SMC1B: variants seen among roughly 807,000 people sequenced by gnomAD.
SMC1B encodes structural maintenance of chromosomes protein 1B.
SMC1B carries 60 observed loss-of-function variants against 157.9 expected under a neutral mutation model. The ratio of observed to expected loss-of-function variants is 0.38; its 90% confidence interval spans 0.31 to 0.47. The LOEUF is 0.47. SMC1B is among the 20% of genes least tolerant of loss of function. The pLI, the probability that SMC1B is intolerant of heterozygous loss-of-function variation, is 0.99. For missense variants in SMC1B, 1,165 were observed against 1,426.2 expected (o/e 0.82, Z 2.95); for synonymous variants, 445 against 483.0 (o/e 0.92, Z 1.03).
intron 12 of SMC1B, among the ~76,000 whole-genome samples, chr22:45,376,107 C>T (rs1396376117): frequency 1.3e-5 from 2 of 152,130 alleles, no homozygotes; most frequent in African/African-American, 4.8e-5. Context: ...AGAGCTTTAC[C>T]ATTTCTAAGT....
intron 18 of SMC1B, among the ~76,000 whole-genome samples, chr22:45,359,077 AAAAC>A (rs747775033): frequency 4.6e-5 from 7 of 152,324 alleles, no homozygotes; most frequent in Middle Eastern, 6.8e-3. Context: ...AACAAAAACA[AAAAC>A]AAAAAAACCC....
intron 12 of SMC1B, among the ~76,000 whole-genome samples, chr22:45,377,749 T>C (rs1302447516): frequency 1.3e-5 from 2 of 152,112 alleles, no homozygotes; most frequent in South Asian, 2.1e-4. Context: ...TTGTCCAGGC[T>C]GGTCTCGAAC....
chr22:45,409,564 C>CTAAA (rs71770434), intron 1 of SMC1B, among the ~76,000 whole-genome samples: 4,362 of 140,796 alleles, frequency 0.031, 83 homozygotes, highest in Non-Finnish European at 0.044. Context: ...GACTCCAACT[C>CTAAA]TAAATAAATA....
intron 19 of SMC1B, among the ~76,000 whole-genome samples, chr22:45,355,994 C>T (rs978665177): frequency 4.6e-5 from 7 of 152,078 alleles, no homozygotes; most frequent in Admixed American, 1.3e-4. Context: ...CGCTTGAACC[C>T]GAGAGGTGGA....
At chr22:45,399,029 T>C in intron 6 of SMC1B, 66 bp downstream of exon 6, 7 of 1,487,446 alleles carry the variant, frequency 4.7e-6, no homozygotes, top group Non-Finnish European at 6.3e-6. Context: ...CTTTTAAATT[T>C]TTTTCTAATT....
chr22:45,353,914 A>C lies in SMC1B; in HGVS notation c.3273+64T>G, dbSNP rs1265560793. ...CCACCAAAAAAAAAAAAAAAAAAAA[A>C]AAAAAACAACCACCACCGGTAACAC... is the stretch of plus-strand genomic sequence containing the variant. On this transcript the variant is annotated intron_variant, in intron 21 of 24. Transcript: ENST00000357450. 4 of 786,360 alleles carry C rather than the reference A, an allele frequency of 5.1e-6. No individual in the cohort carries two copies. In the South Asian group the frequency reaches 6.1e-5, roughly 12 times the overall value. The allele number at this position is 786,360 out of a possible 1,614,324, so 48.7% of individuals were successfully genotyped here.
At chr22:45,389,624 A>G in intron 10 of SMC1B, 88 bp downstream of exon 10, 1 of 1,195,226 alleles carries the variant, frequency 8.4e-7, no homozygotes, top group East Asian at 2.4e-5. Context: ...ATTTTTCTCT[A>G]TCACTATCAT....
intron 12 of SMC1B, among the ~76,000 whole-genome samples, chr22:45,377,137 T>C (rs2086890862): frequency 1.3e-5 from 2 of 152,242 alleles, no homozygotes; most frequent in Non-Finnish European, 2.9e-5. Flanking sequence ...TTCCAGATTA[T>C]CAATTTTTAA....
intron 23 of SMC1B, among the ~76,000 whole-genome samples, chr22:45,348,728 T>TTG (rs1555923501): frequency 2.5e-4 from 37 of 148,184 alleles, no homozygotes; most frequent in Middle Eastern, 3.4e-3. Flanking sequence ...GTTTTTTTTG[T>TTG]TTTGTTTTGT....
At chr22:45,397,270 A>G (rs1252438672) in intron 6 of SMC1B, among the ~76,000 whole-genome samples, 1 of 152,184 alleles carries the variant, frequency 6.6e-6, no homozygotes, top group Non-Finnish European at 1.5e-5. Flanking sequence ...TAATCCCAGC[A>G]CTTTGGGAAG....
At chr22:45,371,014 C>G (rs2086825905) in intron 14 of SMC1B, among the ~76,000 whole-genome samples, 1 of 152,168 alleles carries the variant, frequency 6.6e-6, no homozygotes, top group African/African-American at 2.4e-5. Context: ...TGGATTAAAT[C>G]AGAAAGTTTC....
chr22:45,350,735 T>C (rs1054835678), intron 22 of SMC1B, among the ~76,000 whole-genome samples: 1 of 152,186 alleles, frequency 6.6e-6, no homozygotes, highest in African/African-American at 2.4e-5. Flanking sequence ...ATGGCAGCTC[T>C]TATTACTCTA....
At chr22:45,398,361 C>G (rs934825601) in intron 6 of SMC1B, among the ~76,000 whole-genome samples, 4 of 152,222 alleles carry the variant, frequency 2.6e-5, no homozygotes, top group Admixed American at 2.0e-4. Flanking sequence ...CACACACCCT[C>G]TTCTGCTGGG....
rs57347514 is a variant in SMC1B, at chr22:45,387,169, C to T, written c.1732-123G>A. On this transcript the variant is annotated intron_variant, in intron 10 of 24. Transcript: ENST00000357450. ...CAAAAGATCAACAGTATGTACCCAG[C>T]CAGGCGTGATGCTCACGCCTGTAAT... 910 of 838,354 alleles carry T rather than the reference C, an allele frequency of 1.1e-3. 1 individual carries two copies. In the African/African-American group the frequency reaches 0.014, roughly 13 times the overall value. The allele number at this position is 838,354 out of a possible 1,614,324, so 51.9% of individuals were successfully genotyped here.
Position 45,399,306 on chromosome 22 carries a change from G to A in SMC1B, c.902C>T (p.Ala301Val). 1.2e-6 allele frequency: 2 copies of A among 1,613,782 alleles called. No homozygotes were observed. Among genetic ancestry groups the A allele is most frequent in the Non-Finnish European group, 1.7e-6 (2 of 1,179,804 alleles). The change falls in exon 6 of 25, where the codon GCC (alanine) becomes GTC (valine). Residue 301 changes from alanine (A) to valine (V), a missense_variant. Transcript: ENST00000357450. ...AAGGTGGTGAGAAGTGTTTTCTTTG[G>A]CTTTAATGTACTGAGGCCTCTTCTG... ...LNQKRPQYIK[A>V]KENTSHHLKK...
chr22:45,413,581 A>T lies in SMC1B; in HGVS notation c.-14T>A. On this transcript the variant is annotated 5_prime_UTR_variant, in exon 1 of 25. Transcript: ENST00000357450. ...CAGGTGGGCCATGGCGCCGCCCTCC[A>T]CGCCTCACCCGCGTTATCAAGCGCC... The T allele has an allele frequency of 6.3e-7, 1 of 1,590,118 alleles. No homozygotes were observed. Among genetic ancestry groups the T allele is most frequent in the African/African-American group, 1.3e-5 (1 of 74,386 alleles).
rs557133217 is a variant in SMC1B, at chr22:45,406,175, A to G, written c.615+285T>C. Among the ~76,000 whole-genome samples, 21 of 152,346 alleles carry G rather than the reference A, an allele frequency of 1.4e-4. No homozygotes were observed. In the South Asian group the frequency reaches 3.9e-3, roughly 29 times the overall value. On this transcript the variant is annotated intron_variant, in intron 4 of 24. Coordinates refer to ENST00000357450, the MANE Select transcript of SMC1B (RefSeq NM_148674.5). The stretch of plus-strand genomic sequence containing the variant: ...TTTTTAAGAGCATAAGGGGTTTAAT[A>G]TCCAAACATCTGAGAGCCTTTGCCA...
At position 45,389,845 on chromosome 22, in the gene SMC1B, G is replaced by A. The variant is rs774462914; in HGVS notation, c.1598C>T (p.Ala533Val). The change falls in exon 10 of 25, where the codon GCT (alanine) becomes GTT (valine). Residue 533 changes from alanine (A) to valine (V), a missense_variant. Coordinates refer to ENST00000357450, the MANE Select transcript of SMC1B (RefSeq NM_148674.5). ...GAACCGGCCAAAAACCTTAGTAACA[G>A]CCAGCTGGTATTTCTTATGAATAGG... ...CHPIHKKYQL[A>V]VTKVFGRFIT... 1 of 1,614,060 alleles carries A rather than the reference G, an allele frequency of 6.2e-7. No individual in the cohort carries two copies. The highest frequency in any genetic ancestry group is 1.1e-5 in the South Asian group (1 of 91,076).
chr22:45,404,850 A>G (rs934887156), intron 4 of SMC1B, among the ~76,000 whole-genome samples: 1 of 152,242 alleles, frequency 6.6e-6, no homozygotes, highest in Non-Finnish European at 1.5e-5. Context: ...GTCACAGGCC[A>G]TGGTCACTCA....
Sources: allele counts gnomAD v4.1 joint callset (sites outside exome capture counted in the v4.1 genomes callset), GRCh38; gene constraint gnomAD v4.1.1; transcripts MANE v1.5; gene names NCBI Gene and HGNC (gene_info 2026-07-23, HGNC 2026-07-21).